Variants in CTNNA3 observed in about 807,000 individuals in gnomAD.
The protein encoded by CTNNA3 is catenin alpha-3.
Under a neutral mutation model 95.7 loss-of-function variants are expected in CTNNA3, and 76 were observed. That is an observed-to-expected ratio of 0.79 (90% confidence interval 0.66 to 0.96). CTNNA3 has a LOEUF of 0.96. CTNNA3 is among the 40% of genes least tolerant of loss of function. The probability of loss-of-function intolerance (pLI) is 0.00; values close to 1 mark genes in which losing one functional copy is unlikely to be tolerated. For missense variants in CTNNA3, 1,191 were observed against 1,089.8 expected (o/e 1.09, Z -1.31); for synonymous variants, 431 against 374.4 (o/e 1.15, Z -1.74).
intron 12 of CTNNA3, among the ~76,000 whole-genome samples, chr10:66,286,045 A>AT (rs1415724759): frequency 1.3e-5 from 2 of 152,026 alleles, no homozygotes; most frequent in African/African-American, 4.8e-5. Flanking sequence ...GGACTATAAT[A>AT]TATATGGTGC....
chr10:66,452,694 T>C (rs1376849573), intron 11 of CTNNA3, among the ~76,000 whole-genome samples: 2 of 152,110 alleles, frequency 1.3e-5, no homozygotes, highest in Admixed American at 6.6e-5. Context: ...TGAATAACAT[T>C]ATTATTGTAA....
intron 6 of CTNNA3, among the ~76,000 whole-genome samples, chr10:67,183,267 T>G (rs950415826): frequency 6.6e-6 from 1 of 152,106 alleles, no homozygotes; most frequent in East Asian, 1.9e-4. Context: ...CTATTCACAA[T>G]AGCAAAGACG....
Position 66,927,352 on chromosome 10 carries a change from C to T in CTNNA3, c.1048-151828G>A, listed in dbSNP as rs1436744091. On this transcript the variant is annotated intron_variant, in intron 7 of 17. Coordinates refer to ENST00000433211, the MANE Select transcript of CTNNA3 (RefSeq NM_013266.4). The surrounding 1 kb of genome is among the most constrained non-coding windows in gnomAD (Gnocchi z 4.7). The stretch of plus-strand genomic sequence containing the variant: ...CTTGGATCTGTCCTATAATCAGCTG[C>T]ATTCTCTGGGATCTGAACAGTTTCG... The T allele has an allele frequency of 1.9e-6, 3 of 1,614,088 alleles. No individual in the cohort carries two copies. The highest frequency in any genetic ancestry group is 2.7e-5 in the African/African-American group (2 of 74,934).
chr10:67,376,334 T>C (rs1373392906), intron 5 of CTNNA3, among the ~76,000 whole-genome samples: 1 of 152,208 alleles, frequency 6.6e-6, no homozygotes, highest in Non-Finnish European at 1.5e-5. Flanking sequence ...TTAGCTTCCT[T>C]AGACTTCATA....
chr10:66,608,500 T>C (rs1323066536), intron 10 of CTNNA3, among the ~76,000 whole-genome samples: 1 of 151,932 alleles, frequency 6.6e-6, no homozygotes, highest in Non-Finnish European at 1.5e-5. Context: ...GACAATCCTA[T>C]GTAAAAAGAG....
At chr10:66,344,717 T>C (rs1302869234) in intron 12 of CTNNA3, among the ~76,000 whole-genome samples, 1 of 152,108 alleles carries the variant, frequency 6.6e-6, no homozygotes, top group Non-Finnish European at 1.5e-5. Context: ...TTATGAAAGT[T>C]TATGATTTCT....
chr10:66,234,263 A>T (rs947799758), intron 13 of CTNNA3, among the ~76,000 whole-genome samples: 1 of 152,152 alleles, frequency 6.6e-6, no homozygotes, highest in African/African-American at 2.4e-5. Flanking sequence ...TTACCAAATA[A>T]ATAATCCAAA....
At chr10:66,292,076 T>TAA (rs142911848) in intron 12 of CTNNA3, among the ~76,000 whole-genome samples, 1 of 149,400 alleles carries the variant, frequency 6.7e-6, no homozygotes, top group Non-Finnish European at 1.5e-5. Flanking sequence ...CATATACAGA[T>TAA]ACACACACAC....
intron 7 of CTNNA3, among the ~76,000 whole-genome samples, chr10:66,822,814 T>G (rs1386914337): frequency 6.6e-6 from 1 of 152,194 alleles, no homozygotes; most frequent in Non-Finnish European, 1.5e-5. Context: ...AAACTGCTAC[T>G]TTGGCTGGGC....
rs1348190446 is a variant in CTNNA3, at chr10:67,675,228, G to T, written c.-6+20772C>A. On this transcript the variant is annotated intron_variant, in intron 1 of 17. Coordinates refer to ENST00000433211, the MANE Select transcript of CTNNA3 (RefSeq NM_013266.4). Reference sequence around the variant, plus strand: ...TTTTTAATAAAATCTTATGATAAATGACTTTTGTTAAATGATGTATGAGTC... The same window carrying T: ...TTTTTAATAAAATCTTATGATAAATTACTTTTGTTAAATGATGTATGAGTC... 3.3e-5 allele frequency among the ~76,000 whole-genome samples: 5 copies of T among 151,824 alleles called. No individual in the cohort carries two copies. The East Asian group carries it at 9.6e-4, about 29-fold the overall frequency.
intron 7 of CTNNA3, among the ~76,000 whole-genome samples, chr10:67,001,015 T>G (rs1309788859): frequency 2.6e-5 from 4 of 151,704 alleles, no homozygotes; most frequent in Non-Finnish European, 5.9e-5. Context: ...CGATAAAAAT[T>G]AAATAGGCCA....
rs187944649 is a variant in CTNNA3, at chr10:66,013,337, T to C, written c.2160-24540A>G. ...ATTGAGTGGACCAGAACTGAAAATA[T>C]GCCTTTTGTCAAAAACTATAAGTCT... On this transcript the variant is annotated intron_variant, in intron 15 of 17. Transcript: ENST00000433211. 5.3e-5 allele frequency among the ~76,000 whole-genome samples: 8 copies of C among 152,358 alleles called. No homozygotes were observed. The East Asian group carries it at 1.4e-3, about 26-fold the overall frequency.
chr10:67,661,618 T>G (rs1230467936), intron 1 of CTNNA3, among the ~76,000 whole-genome samples: 11 of 152,184 alleles, frequency 7.2e-5, no homozygotes, highest in Non-Finnish European at 1.5e-4. Context: ...ACAAAGTATT[T>G]TGAAAATCTA....
chr10:66,672,767 A>G (rs1846710932), intron 9 of CTNNA3, among the ~76,000 whole-genome samples: 1 of 152,078 alleles, frequency 6.6e-6, no homozygotes, highest in African/African-American at 2.4e-5. Context: ...CAAGTGCTGT[A>G]TAATCAACTG....
chr10:67,043,898 G>T (rs777778678), intron 7 of CTNNA3, among the ~76,000 whole-genome samples: 1 of 147,846 alleles, frequency 6.8e-6, no homozygotes, highest in African/African-American at 2.5e-5. Context: ...CTGACAATTG[G>T]AGAATTTTAA....
intron 10 of CTNNA3, among the ~76,000 whole-genome samples, chr10:66,580,222 C>T (rs1336419382): frequency 6.6e-6 from 1 of 151,312 alleles, no homozygotes; most frequent in Admixed American, 6.6e-5. Context: ...GATTTCTTTG[C>T]TGTAACATTC....
chr10:66,935,504 G>C (rs1847645950), intron 7 of CTNNA3, among the ~76,000 whole-genome samples: 2 of 152,098 alleles, frequency 1.3e-5, no homozygotes, highest in Admixed American at 1.3e-4. Context: ...GGCACCAATA[G>C]AGGGTTAGGT....
chr10:67,051,305 C>T (rs1453690578), intron 7 of CTNNA3, among the ~76,000 whole-genome samples: 3 of 152,142 alleles, frequency 2.0e-5, no homozygotes, highest in East Asian at 1.9e-4. Flanking sequence ...CCTTAAATGT[C>T]TTCACAATTG....
chr10:66,413,091 T>C (rs900990555), intron 11 of CTNNA3, among the ~76,000 whole-genome samples: 2 of 152,196 alleles, frequency 1.3e-5, no homozygotes. Flanking sequence ...ATACAACTTA[T>C]GAGTACTCTA....
Sources: allele counts gnomAD v4.1 joint callset (sites outside exome capture counted in the v4.1 genomes callset), GRCh38; gene constraint gnomAD v4.1.1; non-coding constraint Gnocchi (gnomAD v3.1); transcripts MANE v1.5; gene names NCBI Gene and HGNC (gene_info 2026-07-23, HGNC 2026-07-21).